The following PRRG1 variants were observed in gnomAD, a reference collection of about 807,000 sequenced individuals.
The protein encoded by PRRG1 is transmembrane gamma-carboxyglutamic acid protein 1.
In PRRG1, 5 loss-of-function variants were observed where a neutral mutation model predicts 11.8. The ratio of observed to expected loss-of-function variants is 0.42; its 90% CI spans 0.22 to 0.89. The LOEUF is 0.89. Among genes scored for constraint, PRRG1 ranks in the 40% least tolerant of loss-of-function variants. The pLI is 0.28. For synonymous variants in PRRG1, 66 were observed against 60.4 expected (o/e 1.09, Z -0.43); for missense variants, 155 against 166.1 (o/e 0.93, Z 0.37).
At chrX:37,379,991 G>A (rs781844493) in intron 1 of PRRG1, among the ~76,000 whole-genome samples, 21 of 111,473 alleles carry the variant, frequency 1.9e-4, no homozygotes, top group African/African-American at 6.8e-4. Flanking sequence ...GATATTCAGA[G>A]GACAGAGTGA....
At position 37,453,631 on chromosome X, in the gene PRRG1, C is replaced by A; in HGVS notation, c.*10C>A. 2 of 1,147,183 alleles carry A rather than the reference C, an allele frequency of 1.7e-6. No homozygotes were observed. Among genetic ancestry groups the A allele is most frequent in the Non-Finnish European group, 2.3e-6 (2 of 864,090 alleles). The allele number at this position is 1,147,183 out of a possible 1,213,427, so 94.5% of individuals were successfully genotyped here. On this transcript the variant is annotated 3_prime_UTR_variant, in exon 4 of 4. Transcript: ENST00000378628. ...CACCACCATCAAATGAAGCTGCAAA[C>A]TTCTTTTTACTCTAATCATTTTTAA...
chrX:37,407,571 G>C (rs1187083363), intron 2 of PRRG1, among the ~76,000 whole-genome samples: 2 of 111,473 alleles, frequency 1.8e-5, no homozygotes, highest in African/African-American at 6.5e-5. Flanking sequence ...CCCTAAACTC[G>C]TTTGTTCATC....
intron 3 of PRRG1, chrX:37,441,695 G>C: frequency 1.3e-6 from 1 of 796,784 alleles, no homozygotes; most frequent in Non-Finnish European, 1.5e-6. Flanking sequence ...TACTTCCTGC[G>C]CCAGTTGCAC....
chrX:37,426,184 G>A (rs1556388362), intron 3 of PRRG1, among the ~76,000 whole-genome samples, 184 bp downstream of exon 3: 1 of 111,508 alleles, frequency 9.0e-6, no homozygotes, highest in African/African-American at 3.3e-5. Context: ...TTCCCCTTGT[G>A]CTGGACTGTC....
rs1389290555 is a variant in PRRG1 at position 37,454,057 on chromosome X, AT to A, written c.*441del. 8.8e-6 allele frequency: 1 copy of A among 113,351 alleles called. No homozygotes were observed. The highest frequency in any genetic ancestry group is 1.9e-5 in the Non-Finnish European group (1 of 54,014). The allele number at this position is 113,351 out of a possible 1,213,427, so 9.3% of individuals were successfully genotyped here. A position where few individuals can be genotyped will look rare whatever the true frequency, so the allele number is the denominator to read the frequency against. ...TGTAATAGCCAGTGACATGCTGTAGATTTTTGCAAACTGGATGTACTTAGCA... is the reference window on the plus strand; with the variant it reads ...TGTAATAGCCAGTGACATGCTGTAGATTTTGCAAACTGGATGTACTTAGCA... On this transcript the variant is annotated 3_prime_UTR_variant, in exon 4 of 4. Coordinates refer to ENST00000378628, the MANE Select transcript of PRRG1 (RefSeq NM_001142395.2).
At chrX:37,441,595 G>A (rs956353478) in intron 3 of PRRG1, 3 of 786,816 alleles carry the variant, frequency 3.8e-6, no homozygotes, top group Non-Finnish European at 4.6e-6. Context: ...CAACAACCAC[G>A]TCAACCTGGA....
intron 3 of PRRG1, among the ~76,000 whole-genome samples, chrX:37,430,191 G>GGAACT (rs2146612480): frequency 9.0e-6 from 1 of 111,576 alleles, no homozygotes; most frequent in East Asian, 2.8e-4. Context: ...CTGAGATCTG[G>GGAACT]GAACTAGAAT....
At chrX:37,380,598 G>A (rs1479828555) in intron 1 of PRRG1, among the ~76,000 whole-genome samples, 3 of 110,975 alleles carry the variant, frequency 2.7e-5, no homozygotes, top group African/African-American at 6.5e-5. Context: ...AGCTGGGGGA[G>A]CAAGAAAAAA....
rs782754131 is a variant in PRRG1 at position 37,391,242 on chromosome X, T to C, written c.-41-14967T>C. On this transcript the variant is annotated intron_variant, in intron 1 of 3. Transcript: ENST00000378628. ...TCATTTCATCTGCTAGAAGACTTCT[T>C]GCTTTTCCCGAGTACCTTAAAAGAC... 1.1e-4 allele frequency among the ~76,000 whole-genome samples: 12 copies of C among 111,837 alleles called. No homozygotes were observed. The South Asian group carries it at 2.2e-3, about 21-fold the overall frequency.
chrX:37,354,060 A>G (rs1435595939), intron 1 of PRRG1, among the ~76,000 whole-genome samples: 2 of 112,536 alleles, frequency 1.8e-5, no homozygotes, highest in Non-Finnish European at 3.8e-5. Context: ...GTATTTGTAG[A>G]TAACTCCCAT....
chrX:37,448,568 ATGTAACC>A (rs1569450195), intron 3 of PRRG1, among the ~76,000 whole-genome samples: 1 of 111,768 alleles, frequency 8.9e-6, no homozygotes. Context: ...AATTTCCTTT[ATGTAACC>A]TGTGTGCCAC....
intron 2 of PRRG1, among the ~76,000 whole-genome samples, chrX:37,413,785 A>G (rs782147258): frequency 1.8e-5 from 2 of 111,965 alleles, no homozygotes; most frequent in Admixed American, 9.5e-5. Flanking sequence ...CAGACCACAT[A>G]TATGAAGGTG....
chrX:37,405,529 T>C (rs1932159865), intron 1 of PRRG1, among the ~76,000 whole-genome samples: 1 of 111,329 alleles, frequency 9.0e-6, no homozygotes, highest in South Asian at 3.8e-4. Flanking sequence ...TGAATTGGTT[T>C]CTGTGTATGT....
At chrX:37,448,180 A>C (rs1311000416) in intron 3 of PRRG1, among the ~76,000 whole-genome samples, 2 of 112,428 alleles carry the variant, frequency 1.8e-5, no homozygotes, top group Admixed American at 1.9e-4. Context: ...GCATAGATTT[A>C]TTGAAGCAAA....
intron 2 of PRRG1, 88 bp downstream of exon 2, chrX:37,406,347 G>A: frequency 1.1e-6 from 1 of 927,106 alleles, no homozygotes; most frequent in Middle Eastern, 2.7e-4. Flanking sequence ...TAGTATATTT[G>A]TGGACACCTA....
At chrX:37,438,400 G>T (rs1556392596) in intron 3 of PRRG1, among the ~76,000 whole-genome samples, 1 of 105,508 alleles carries the variant, frequency 9.5e-6, no homozygotes, top group East Asian at 2.9e-4. Flanking sequence ...CTATGACATG[G>T]CATGGATTCG....
intron 3 of PRRG1, among the ~76,000 whole-genome samples, chrX:37,440,458 C>T (rs1439571471): frequency 1.8e-5 from 2 of 111,211 alleles, no homozygotes; most frequent in Non-Finnish European, 3.8e-5. Flanking sequence ...TGGTTTGAGG[C>T]GGAGATCAAG....
chrX:37,433,218 G>A (rs1400789915), intron 3 of PRRG1, among the ~76,000 whole-genome samples: 1 of 111,252 alleles, frequency 9.0e-6, no homozygotes, highest in Non-Finnish European at 1.9e-5. Context: ...AAAGTGCTCA[G>A]AATCACCCAC....
chrX:37,358,867 T>C (rs1423311905), intron 1 of PRRG1, among the ~76,000 whole-genome samples: 1 of 111,917 alleles, frequency 8.9e-6, no homozygotes, highest in Non-Finnish European at 1.9e-5. Flanking sequence ...TATCTTTCCA[T>C]TTATTTAGTC....
Sources: gnomAD v4.1 joint callset for allele counts (sites outside exome capture counted in the v4.1 genomes callset) on GRCh38, gnomAD v4.1.1 for gene constraint, MANE v1.5 for transcripts, NCBI Gene and HGNC (gene_info 2026-07-23, HGNC 2026-07-21) for gene names.